The following FOXM1 variants were observed in gnomAD, a reference collection of about 807,000 sequenced individuals.
FOXM1 encodes the protein forkhead box protein M1.
FOXM1 carries 25 observed loss-of-function variants against 63.6 expected under a neutral mutation model. The observed-to-expected ratio is 0.39, with a 90% CI of 0.29 to 0.55. The LOEUF (loss-of-function observed/expected upper bound fraction) is 0.55. FOXM1 is among the 20% of genes least tolerant of loss of function. The pLI is 0.60. For missense variants in FOXM1, 879 were observed against 958.7 expected (o/e 0.92, Z 1.10); for synonymous variants, 387 against 376.9 (o/e 1.03, Z -0.31).
chr12:2,865,880 C>G (rs751377914), intron 5 of FOXM1, among the ~76,000 whole-genome samples: 1 of 151,858 alleles, frequency 6.6e-6, no homozygotes, highest in Non-Finnish European at 1.5e-5. Context: ...CTCCAACTCC[C>G]GACCTTAGGT....
At position 2,858,924 on chromosome 12, in the gene FOXM1, G is replaced by T. The variant is rs28919869; in HGVS notation, c.2006C>A (p.Pro669His). The T allele has an allele frequency of 1.1e-4, 172 of 1,613,814 alleles. 1 individual carries two copies. The highest frequency in any genetic ancestry group is 3.9e-4 in the African/African-American group (29 of 75,018). Residue 669 changes from proline (P) to histidine (H), a missense_variant, in exon 9 of 9, where the codon CCC becomes CAC. Pro to His is a moderately conservative substitution (Grantham distance 77). Coordinates refer to ENST00000359843, the MANE Select transcript of FOXM1 (RefSeq NM_021953.4). Reference protein sequence around the residue: ...LSTTPLQSAPPLESPQRLLSS... With the variant: ...LSTTPLQSAPHLESPQRLLSS... ...GAGGAGCCTTTGCGGTGATTCAAGG[G>T]GGGGAGCACTTTGCAAGGGAGTGGT...
At chr12:2,862,757 G>A (rs2153933944) in intron 8 of FOXM1, among the ~76,000 whole-genome samples, 1 of 151,634 alleles carries the variant, frequency 6.6e-6, no homozygotes, top group East Asian at 1.9e-4. Context: ...GCCCAGGCTG[G>A]TCTTGAACTC....
chr12:2,861,655 G>C, intron 8 of FOXM1, among the ~76,000 whole-genome samples: 1 of 152,110 alleles, frequency 6.6e-6, no homozygotes, highest in East Asian at 1.9e-4. Flanking sequence ...TCACATCTGG[G>C]ACTCTATCCT....
chr12:2,869,101 T>C (rs2098128523), intron 3 of FOXM1, among the ~76,000 whole-genome samples: 2 of 152,192 alleles, frequency 1.3e-5, no homozygotes. Flanking sequence ...TTTCAGACTT[T>C]TGGGTCTAGA....
Position 2,858,524 on chromosome 12 carries a change from T to G in FOXM1, c.*114A>C. On this transcript the variant is annotated 3_prime_UTR_variant, in exon 9 of 9. Coordinates refer to ENST00000359843, the MANE Select transcript of FOXM1 (RefSeq NM_021953.4). ...TTTGCATAATCAGGCAGCAGGGAGC[T>G]ATGAGGAGCAGAACAGTCCCTGCCT... 3 of 862,406 alleles carry G rather than the reference T, an allele frequency of 3.5e-6. No individual in the cohort carries two copies. Among genetic ancestry groups the G allele is most frequent in the Non-Finnish European group, 5.3e-6 (3 of 568,444 alleles). The allele number at this position is 862,406 out of a possible 1,614,324, so 53.4% of individuals were successfully genotyped here.
Position 2,858,581 on chromosome 12 carries a change from G to A in FOXM1, c.*57C>T. 6.7e-7 allele frequency: 1 copy of A among 1,493,654 alleles called. No homozygotes were observed. The highest frequency in any genetic ancestry group is 9.1e-7 in the Non-Finnish European group (1 of 1,093,112). The allele number at this position is 1,493,654 out of a possible 1,614,324, so 92.5% of individuals were successfully genotyped here. ...CTCACTCAGAGGCTTGGGGTGCACTGAGCCTTGGAGTGCCCGGGATGGTGG... is the reference window on the plus strand; with the variant it reads ...CTCACTCAGAGGCTTGGGGTGCACTAAGCCTTGGAGTGCCCGGGATGGTGG... On this transcript the variant is annotated 3_prime_UTR_variant, in exon 9 of 9. Transcript: ENST00000359843.
chr12:2,864,324 G>A lies in FOXM1; in HGVS notation c.1262C>T (p.Pro421Leu). The A allele has an allele frequency of 6.2e-7, 1 of 1,609,870 alleles. No homozygotes were observed. The highest frequency in any genetic ancestry group is 8.5e-7 in the Non-Finnish European group (1 of 1,177,404). Residue 421 changes from proline to leucine, a missense_variant, in exon 8 of 9, where the codon CCC becomes CTC. By Grantham distance (98) the Pro-to-Leu change is moderately conservative. Transcript: ENST00000359843. This position sits in a 1 kb window ranked among gnomAD's most constrained non-coding sequence, Gnocchi z 5.1. ...AGAGGAAAATAGGACACCCACCTTGGGGGCAATGCGGACTCGCTTGCTATG... is the reference window on the plus strand; with the variant it reads ...AGAGGAAAATAGGACACCCACCTTGAGGGCAATGCGGACTCGCTTGCTATG... ...ARHSKRVRIAPKVLLAEEGIA... is the reference protein window; with the variant it reads ...ARHSKRVRIALKVLLAEEGIA...
At chr12:2,859,765 TA>T in intron 8 of FOXM1, 102 bp from the exon 9 acceptor site, 3 of 809,904 alleles carry the variant, frequency 3.7e-6, no homozygotes, top group Non-Finnish European at 5.7e-6. Context: ...TTTGAAGTCT[TA>T]AAATCTATTA....
In FOXM1 at chr12:2,858,089, T is replaced by C. The variant is rs748769201; in HGVS notation, c.*549A>G. ...TGGCAAGCAGATCCACTTGTCTGGG[T>C]CCCTGCAGTGAAGAACCCAAGATCC... On this transcript the variant is annotated 3_prime_UTR_variant, in exon 9 of 9. Coordinates refer to ENST00000359843, the MANE Select transcript of FOXM1 (RefSeq NM_021953.4). 1.3e-5 allele frequency: 2 copies of C among 152,756 alleles called. No homozygotes were observed. Among genetic ancestry groups the C allele is most frequent in the African/African-American group, 2.4e-5 (1 of 41,424 alleles). 9.5% of individuals were successfully genotyped at this position (152,756 alleles called of 1,614,324 possible).
intron 2 of FOXM1, among the ~76,000 whole-genome samples, chr12:2,873,298 C>A (rs767079999): frequency 1.3e-4 from 19 of 149,204 alleles, no homozygotes; most frequent in Non-Finnish European, 2.2e-4. Context: ...ACTCAGAAGG[C>A]TGAGGCAGGA....
chr12:2,873,870 G>T, intron 2 of FOXM1, 107 bp downstream of exon 2: 1 of 1,299,084 alleles, frequency 7.7e-7, no homozygotes, highest in Non-Finnish European at 1.1e-6. Flanking sequence ...GAGCCACTGT[G>T]CTCGGCCAGA....
Position 2,864,304 on chromosome 12 carries a change from A to T in FOXM1, c.1266+16T>A, listed in dbSNP as rs761246654. On this transcript the variant is annotated intron_variant, in intron 8 of 8. Transcript: ENST00000359843. This position sits in a 1 kb window ranked among gnomAD's most constrained non-coding sequence, Gnocchi z 5.1. ...ATTGGCCAGAATCTCTCTTCAGAGG[A>T]AAATAGGACACCCACCTTGGGGGCA... 6.3e-7 allele frequency: 1 copy of T among 1,598,982 alleles called. No individual in the cohort carries two copies. The highest frequency in any genetic ancestry group is 1.3e-5 in the African/African-American group (1 of 74,526).
chr12:2,873,970 C>A lies in FOXM1; in HGVS notation c.502+7G>T. The A allele has an allele frequency of 6.2e-7, 1 of 1,605,216 alleles. No individual in the cohort carries two copies. The highest frequency in any genetic ancestry group is 8.5e-7 in the Non-Finnish European group (1 of 1,174,108). ...TCCCTCACCCCTTTCCCTGGAAGAC[C>A]ACATACCACAGGTCTCCCGTTTCTG... On this transcript the variant is annotated splice_region_variant and intron_variant, in intron 2 of 8. Transcript: ENST00000359843.
rs1752065398 is a variant in FOXM1, at chr12:2,858,800, A to T, written c.2130T>A (p.Ser710=). The change falls in exon 9 of 9, where the codon TCT becomes TCA. Residue 710 remains serine, a synonymous_variant. Transcript: ENST00000359843. ...TCAGAGAACGATTGGCTGCAAGGCC[A>T]GAAACCTGTGGCTCCGGGGAGCCTG... The part of the protein sequence containing the change: ...PKPGSPEPQV[S]GLAANRSLTE... 4 of 1,614,226 alleles carry T rather than the reference A, an allele frequency of 2.5e-6. No individual in the cohort carries two copies.
At chr12:2,866,358 C>A in intron 5 of FOXM1, 35 bp downstream of exon 5, 1 of 1,413,278 alleles carries the variant, frequency 7.1e-7, no homozygotes. Flanking sequence ...CAACCTCCAA[C>A]TTAGGCCCTA....
Position 2,874,045 on chromosome 12 carries a change from G to C in FOXM1, c.434C>G (p.Pro145Arg). Reference sequence around the variant, plus strand: ...AGGAAGATTCACATCCCTAGCTGCAGGTTTTGGTCCCAAGGTCTCCAGGGT... The same window carrying C: ...AGGAAGATTCACATCCCTAGCTGCACGTTTTGGTCCCAAGGTCTCCAGGGT... ...EVTLETLGPK[P>R]AARDVNLPRP... Residue 145 changes from proline (P) to arginine (R), a missense_variant, in exon 2 of 9, where the codon CCT becomes CGT. By Grantham distance (103) the Pro-to-Arg change is moderately radical (BLOSUM62 -2). Around this residue, in one of 4 missense-constraint regions of FOXM1, gnomAD observed 255 missense variants for 292.4 expected, o/e 0.87. Coordinates refer to ENST00000359843, the MANE Select transcript of FOXM1 (RefSeq NM_021953.4). The surrounding 1 kb of genome is among the most constrained non-coding windows in gnomAD (Gnocchi z 4.3). 6.2e-7 allele frequency: 1 copy of C among 1,614,144 alleles called. No individual in the cohort carries two copies. Among genetic ancestry groups the C allele is most frequent in the Non-Finnish European group, 8.5e-7 (1 of 1,180,038 alleles).
At chr12:2,869,458 G>A (rs1459721164) in intron 3 of FOXM1, among the ~76,000 whole-genome samples, 1 of 148,148 alleles carries the variant, frequency 6.8e-6, no homozygotes, top group African/African-American at 2.5e-5. Flanking sequence ...TTTTTGAGAT[G>A]GAGTTTCACT....
intron 4 of FOXM1, 142 bp downstream of exon 4, chr12:2,868,421 G>C: frequency 3.2e-6 from 2 of 618,264 alleles, no homozygotes; most frequent in Non-Finnish European, 5.5e-6. Context: ...ATAAGATTGA[G>C]TCACAATCTA....
intron 2 of FOXM1, 37 bp downstream of exon 2, chr12:2,873,939 CT>C: frequency 6.3e-7 from 1 of 1,578,360 alleles, no homozygotes. Flanking sequence ...AGAGGAAAGG[CT>C]GGGCTCCCTC....
Sources: allele counts gnomAD v4.1 joint callset (sites outside exome capture counted in the v4.1 genomes callset), GRCh38; gene constraint gnomAD v4.1.1; regional missense constraint gnomAD v4.1.1; non-coding constraint Gnocchi (gnomAD v3.1); transcripts MANE v1.5; gene names NCBI Gene and HGNC (gene_info 2026-07-23, HGNC 2026-07-21).